Variants in KSR2 observed in about 807,000 individuals in gnomAD.
KSR2 encodes kinase suppressor of ras 2.
Under a neutral mutation model 107.8 loss-of-function variants are expected in KSR2, and 25 were observed. The ratio of observed to expected loss-of-function variants is 0.23; its 90% CI spans 0.17 to 0.32. The LOEUF (loss-of-function observed/expected upper bound fraction) is 0.32, where lower values mean the gene tolerates loss of function less well. KSR2 is among the 10% of genes least tolerant of loss of function. The pLI is 1.00. For synonymous variants in KSR2, 480 were observed against 507.0 expected (o/e 0.95, Z 0.71); for missense variants, 887 against 1,268.9 (o/e 0.70, Z 4.57).
At chr12:117,497,972 C>T (rs916183919) in intron 14 of KSR2, among the ~76,000 whole-genome samples, 1 of 152,172 alleles carries the variant, frequency 6.6e-6, no homozygotes, top group African/African-American at 2.4e-5. Flanking sequence ...TGATGGTCTC[C>T]GTTGATGGAG....
intron 1 of KSR2, among the ~76,000 whole-genome samples, chr12:117,926,140 T>A (rs992023613): frequency 2.6e-5 from 4 of 152,178 alleles, no homozygotes; most frequent in African/African-American, 9.7e-5. Flanking sequence ...GAGGTTGCAC[T>A]GAGCCGAGTT....
chr12:117,860,540 T>G, intron 1 of KSR2, 109 bp from the exon 2 acceptor site: 2 of 1,077,180 alleles, frequency 1.9e-6, no homozygotes, highest in Non-Finnish European at 2.6e-6. Context: ...CAACTCTATT[T>G]TAAAGACTGG....
At chr12:117,643,925 T>C (rs541965085) in intron 5 of KSR2, among the ~76,000 whole-genome samples, 2 of 152,286 alleles carry the variant, frequency 1.3e-5, no homozygotes, top group Non-Finnish European at 2.9e-5. Context: ...TAAGCATCTG[T>C]TGAATGAATG....
chr12:117,605,671 C>T (rs1881190466), intron 5 of KSR2, among the ~76,000 whole-genome samples: 1 of 152,084 alleles, frequency 6.6e-6, no homozygotes, highest in South Asian at 2.1e-4. Flanking sequence ...GATAAATGTA[C>T]ATGTAAGTTC....
chr12:117,968,331 C>T lies in KSR2; in HGVS notation c.-76G>A. Reference sequence around the variant, plus strand: ...GAGGGGGGGGAGTAGAGGTAGTCTACCCTCCGCCTCTCCAACCACTGCGAC... The same window carrying T: ...GAGGGGGGGGAGTAGAGGTAGTCTATCCTCCGCCTCTCCAACCACTGCGAC... On this transcript the variant is annotated 5_prime_UTR_variant, in exon 1 of 20. Transcript: ENST00000339824. The T allele has an allele frequency of 7.0e-7, 1 of 1,419,032 alleles. No homozygotes were observed. The highest frequency in any genetic ancestry group is 1.6e-5 in the South Asian group (1 of 63,660). 87.9% of individuals were successfully genotyped at this position (1,419,032 alleles called of 1,614,324 possible).
At chr12:117,740,328 TTATATATATGTTATATATACTATATATAG>T (rs1565989837) in intron 4 of KSR2, among the ~76,000 whole-genome samples, 1 of 130,812 alleles carries the variant, frequency 7.6e-6, no homozygotes, top group African/African-American at 2.6e-5. Flanking sequence ...CATATATACA[TTATATATATGTTATATATACTATATATAG>T]TATATATATA....
At chr12:117,530,632 G>A (rs1051960263) in intron 12 of KSR2, among the ~76,000 whole-genome samples, 4 of 152,128 alleles carry the variant, frequency 2.6e-5, no homozygotes, top group Admixed American at 2.6e-4. Context: ...ATCACAGGGA[G>A]GTTATGGGTC....
At chr12:117,705,015 A>G (rs1031695698) in intron 4 of KSR2, among the ~76,000 whole-genome samples, 4 of 152,190 alleles carry the variant, frequency 2.6e-5, no homozygotes, top group Admixed American at 6.5e-5. Context: ...TTATTAAGGG[A>G]CGCCTTTGTG....
chr12:117,542,221 C>T (rs1876546177), intron 9 of KSR2, among the ~76,000 whole-genome samples: 1 of 152,144 alleles, frequency 6.6e-6, no homozygotes. Context: ...CTAAGAACAT[C>T]CACCTTGTAG....
At chr12:117,911,799 A>G (rs199781993) in intron 1 of KSR2, among the ~76,000 whole-genome samples, 195 of 77,290 alleles carry the variant, frequency 2.5e-3, no homozygotes, top group Admixed American at 5.8e-3. Context: ...GCAAACTCTC[A>G]ATCGCTACAG....
chr12:117,715,749 C>A (rs545609534), intron 4 of KSR2, among the ~76,000 whole-genome samples: 1 of 152,302 alleles, frequency 6.6e-6, no homozygotes, highest in South Asian at 2.1e-4. Flanking sequence ...TTCTGCCTGT[C>A]CATAACTCTA....
chr12:117,487,975 C>T (rs1475124759), intron 14 of KSR2, among the ~76,000 whole-genome samples: 1 of 152,166 alleles, frequency 6.6e-6, no homozygotes, highest in Non-Finnish European at 1.5e-5. Context: ...TAATAATCCC[C>T]AAGTGTCAAG....
At chr12:117,676,722 C>T (rs754534990) in intron 4 of KSR2, among the ~76,000 whole-genome samples, 40 of 152,082 alleles carry the variant, frequency 2.6e-4, no homozygotes, top group Non-Finnish European at 5.3e-4. Flanking sequence ...TTGGTACAAC[C>T]GTTTTTGAAA....
At chr12:117,614,988 T>C (rs1881793881) in intron 5 of KSR2, among the ~76,000 whole-genome samples, 1 of 152,080 alleles carries the variant, frequency 6.6e-6, no homozygotes, top group Non-Finnish European at 1.5e-5. Context: ...AGAAAATCTA[T>C]TCCATGCTCT....
At chr12:117,850,515 C>T (rs1432790688) in intron 3 of KSR2, among the ~76,000 whole-genome samples, 1 of 152,230 alleles carries the variant, frequency 6.6e-6, no homozygotes, top group African/African-American at 2.4e-5. Flanking sequence ...CAAGTAGGAG[C>T]CAAACCCTGG....
intron 5 of KSR2, among the ~76,000 whole-genome samples, chr12:117,590,174 A>G (rs1269162962): frequency 6.6e-6 from 1 of 152,256 alleles, no homozygotes; most frequent in Non-Finnish European, 1.5e-5. Flanking sequence ...GTTCCTGTCC[A>G]CTGCAGGAAT....
chr12:117,583,772 G>A (rs192237784), intron 5 of KSR2, among the ~76,000 whole-genome samples: 31 of 152,174 alleles, frequency 2.0e-4, no homozygotes, highest in Non-Finnish European at 3.1e-4. Context: ...CAAGGAACTC[G>A]TCCTGCTTGT....
chr12:117,487,007 C>T (rs1872503038), intron 14 of KSR2, among the ~76,000 whole-genome samples: 1 of 151,306 alleles, frequency 6.6e-6, no homozygotes, highest in African/African-American at 2.5e-5. Context: ...GTGCATTAAC[C>T]TCTCTGAGCT....
At chr12:117,838,270 C>T (rs1892323665) in intron 3 of KSR2, among the ~76,000 whole-genome samples, 1 of 152,224 alleles carries the variant, frequency 6.6e-6, no homozygotes, top group African/African-American at 2.4e-5. Context: ...CAGATTCACG[C>T]AATTCTCCTG....
Sources: gnomAD v4.1 joint callset for allele counts (sites outside exome capture counted in the v4.1 genomes callset) on GRCh38, gnomAD v4.1.1 for gene constraint, MANE v1.5 for transcripts, NCBI Gene and HGNC (gene_info 2026-07-23, HGNC 2026-07-21) for gene names.